SPATA16: variants seen among roughly 807,000 people sequenced by gnomAD.
SPATA16 encodes the protein spermatogenesis-associated protein 16.
Under a neutral mutation model 63.3 loss-of-function variants are expected in SPATA16, and 36 were observed. The observed-to-expected ratio is 0.57, with a 90% CI of 0.44 to 0.75. The LOEUF is 0.75. Ranked by LOEUF, SPATA16 falls within the 30% of genes least tolerant of loss-of-function variation. The pLI, the probability that SPATA16 is intolerant of heterozygous loss-of-function variation, is 0.00. For synonymous variants in SPATA16, 203 were observed against 216.7 expected (o/e 0.94, Z 0.56); for missense variants, 646 against 679.3 (o/e 0.95, Z 0.54).
chr3:173,072,965 G>T (rs1185870203), intron 2 of SPATA16, among the ~76,000 whole-genome samples: 1 of 152,214 alleles, frequency 6.6e-6, no homozygotes, highest in Non-Finnish European at 1.5e-5. Context: ...GGCTGTTGTG[G>T]TCTCAGATGG....
intron 5 of SPATA16, among the ~76,000 whole-genome samples, chr3:172,970,208 G>A (rs1734017823): frequency 6.6e-6 from 1 of 152,136 alleles, no homozygotes; most frequent in South Asian, 2.1e-4. Context: ...GCTCCGTGAT[G>A]CCTATTTTCC....
chr3:172,922,954 C>A (rs989957597), intron 8 of SPATA16, among the ~76,000 whole-genome samples: 1 of 151,776 alleles, frequency 6.6e-6, no homozygotes, highest in Admixed American at 6.6e-5. Context: ...AACAAAAAAC[C>A]CCAAAACCCA....
At chr3:172,897,590 G>A (rs1732032484) in intron 10 of SPATA16, among the ~76,000 whole-genome samples, 2 of 152,156 alleles carry the variant, frequency 1.3e-5, no homozygotes, top group South Asian at 2.1e-4. Flanking sequence ...CCTGATCATT[G>A]CTGTTATATA....
intron 6 of SPATA16, among the ~76,000 whole-genome samples, chr3:172,928,924 C>T (rs1277937542): frequency 6.6e-6 from 1 of 152,104 alleles, no homozygotes; most frequent in Non-Finnish European, 1.5e-5. Context: ...AACAGGTGGT[C>T]TATGACCCAA....
Position 172,889,524 on chromosome 3 carries a change from C to T in SPATA16, c.*46G>A, listed in dbSNP as rs775718337. ...GTGGGCATTGGAGTGGATGCCCTTGCCTCTTCTTCTGGGATATCTTAGTGG... is the reference window on the plus strand; with the variant it reads ...GTGGGCATTGGAGTGGATGCCCTTGTCTCTTCTTCTGGGATATCTTAGTGG... On this transcript the variant is annotated 3_prime_UTR_variant, in exon 11 of 11. Coordinates refer to ENST00000351008, the MANE Select transcript of SPATA16 (RefSeq NM_031955.6). 6.2e-7 allele frequency: 1 copy of T among 1,612,262 alleles called. No homozygotes were observed. Among genetic ancestry groups the T allele is most frequent in the Admixed American group, 1.7e-5 (1 of 60,008 alleles).
intron 6 of SPATA16, among the ~76,000 whole-genome samples, 182 bp downstream of exon 6, chr3:172,956,495 G>A (rs777046665): frequency 2.5e-4 from 38 of 152,174 alleles, no homozygotes; most frequent in Non-Finnish European, 4.4e-4. Context: ...AAGAAATATT[G>A]TGCTAGAACT....
At chr3:173,066,585 G>A (rs1202458103) in intron 2 of SPATA16, among the ~76,000 whole-genome samples, 3 of 152,196 alleles carry the variant, frequency 2.0e-5, no homozygotes, top group East Asian at 3.9e-4. Flanking sequence ...AAGAGTCACA[G>A]TAGTCCTGGG....
At chr3:173,010,444 G>GTC (rs1300525950) in intron 4 of SPATA16, among the ~76,000 whole-genome samples, 1 of 148,936 alleles carries the variant, frequency 6.7e-6, no homozygotes, top group Non-Finnish European at 1.5e-5. Context: ...GCGTGTGTGT[G>GTC]TGTGTGTGTG....
Position 173,064,829 on chromosome 3 carries a change from G to A in SPATA16, c.613-15735C>T, listed in dbSNP as rs547307847. ...CACTGCCAGAGTGTAGATACAGAAT[G>A]TGATGACTTGGCAGGAAGGGGAATG... On this transcript the variant is annotated intron_variant, in intron 2 of 10. Transcript: ENST00000351008. Among the ~76,000 whole-genome samples the A allele has an allele frequency of 3.3e-5, 5 of 152,308 alleles. No homozygotes were observed. The South Asian group carries it at 6.2e-4, about 19-fold the overall frequency.
intron 10 of SPATA16, among the ~76,000 whole-genome samples, chr3:172,910,897 C>T (rs369069803): frequency 3.9e-5 from 6 of 152,146 alleles, no homozygotes; most frequent in African/African-American, 1.4e-4. Context: ...GATGTCTTGC[C>T]AGCACCCTAT....
intron 3 of SPATA16, among the ~76,000 whole-genome samples, chr3:173,029,426 T>G (rs1735548612): frequency 6.7e-6 from 1 of 149,874 alleles, no homozygotes; most frequent in Admixed American, 6.6e-5. Context: ...TGTTTGTTTG[T>G]TTTGTTGTTG....
chr3:173,058,261 T>C (rs1736296901), intron 2 of SPATA16, among the ~76,000 whole-genome samples: 4 of 152,102 alleles, frequency 2.6e-5, no homozygotes, highest in Admixed American at 2.6e-4. Context: ...TTATTAGATC[T>C]CCATTTAATG....
At chr3:172,903,842 C>A (rs745463578) in intron 10 of SPATA16, among the ~76,000 whole-genome samples, 1 of 152,156 alleles carries the variant, frequency 6.6e-6, no homozygotes, top group Non-Finnish European at 1.5e-5. Context: ...GCCAGATGGG[C>A]AGCAAGCTGT....
intron 4 of SPATA16, among the ~76,000 whole-genome samples, chr3:172,982,103 A>G (rs935046064): frequency 2.0e-5 from 3 of 152,222 alleles, no homozygotes; most frequent in African/African-American, 4.8e-5. Flanking sequence ...TGTTGAATTA[A>G]CAACTACACA....
At chr3:173,120,915 A>G (rs949139149) in intron 1 of SPATA16, among the ~76,000 whole-genome samples, 15 of 146,838 alleles carry the variant, frequency 1.0e-4, no homozygotes, top group Non-Finnish European at 1.5e-5. Context: ...TTTGGTCTTC[A>G]GTGCAGTTTT....
chr3:172,940,633 A>G (rs1553783475), intron 6 of SPATA16, among the ~76,000 whole-genome samples: 2 of 152,206 alleles, frequency 1.3e-5, no homozygotes, highest in Non-Finnish European at 1.5e-5. Context: ...CTGGGGCCCC[A>G]TAAGACAAGT....
At chr3:172,908,187 T>C (rs954111391) in intron 10 of SPATA16, among the ~76,000 whole-genome samples, 40 of 152,144 alleles carry the variant, frequency 2.6e-4, no homozygotes, top group African/African-American at 8.7e-4. Context: ...TCAACAGGAT[T>C]TGTGGGATGT....
At chr3:173,115,055 C>T (rs369378398) in intron 2 of SPATA16, among the ~76,000 whole-genome samples, 2 of 151,684 alleles carry the variant, frequency 1.3e-5, no homozygotes, top group Non-Finnish European at 2.9e-5. Flanking sequence ...TTCCTTAGAA[C>T]CCTGGGAGAG....
At position 172,913,785 on chromosome 3, in the gene SPATA16, C is replaced by T. The variant is rs377017300; in HGVS notation, c.1504-41G>A. The T allele has an allele frequency of 7.5e-5, 115 of 1,541,954 alleles. No individual in the cohort carries two copies. The African/African-American group carries it at 1.4e-3, about 19-fold the overall frequency. On this transcript the variant is annotated intron_variant, in intron 9 of 10. Coordinates refer to ENST00000351008, the MANE Select transcript of SPATA16 (RefSeq NM_031955.6). ...AAAAATTATCAGTGTGGAATTCACA[C>T]AGAAATAACTTCTCTAAATACACAG...
Sources: allele counts gnomAD v4.1 joint callset (sites outside exome capture counted in the v4.1 genomes callset), GRCh38; gene constraint gnomAD v4.1.1; transcripts MANE v1.5; gene names NCBI Gene and HGNC (gene_info 2026-07-23, HGNC 2026-07-21).